Variants in TP73 observed in about 807,000 individuals in gnomAD.
TP73 encodes the protein p53-like transcription factor.
TP73 carries 25 observed loss-of-function variants against 62.5 expected under a neutral mutation model. That is an observed-to-expected ratio of 0.40 (90% confidence interval 0.29 to 0.56). The LOEUF (loss-of-function observed/expected upper bound fraction) is 0.56. Among genes scored for constraint, TP73 ranks in the 20% least tolerant of loss-of-function variants. The pLI, the probability that TP73 is intolerant of heterozygous loss-of-function variation, is 0.46. For missense variants in TP73, 754 were observed against 913.3 expected, an observed-to-expected ratio of 0.83 and a Z score of 2.25; for synonymous variants, 423 against 377.5, an observed-to-expected ratio of 1.12 and a Z score of -1.40.
intron 4 of TP73, among the ~76,000 whole-genome samples, chr1:3,720,630 G>T (rs1172072822): frequency 6.6e-6 from 1 of 152,228 alleles, no homozygotes; most frequent in Non-Finnish European, 1.5e-5. Context: ...ACCCACCATG[G>T]CTCGCAGCCT....
chr1:3,703,399 A>G (rs1232674985), intron 3 of TP73, among the ~76,000 whole-genome samples: 1 of 152,088 alleles, frequency 6.6e-6, no homozygotes, highest in Non-Finnish European at 1.5e-5. Flanking sequence ...AGGCCCTGCT[A>G]AGGGAGCCTG....
chr1:3,660,682 T>C (rs1158124889), intron 1 of TP73, among the ~76,000 whole-genome samples: 2 of 151,572 alleles, frequency 1.3e-5, no homozygotes, highest in African/African-American at 4.8e-5. Flanking sequence ...TCCAGTGGTG[T>C]GATCTTAATG....
At position 3,709,289 on chromosome 1, in the gene TP73, G is replaced by A. The variant is rs78282063; in HGVS notation, c.429+1498G>A. Among the ~76,000 whole-genome samples, 1,349 of 152,352 alleles carry A rather than the reference G, an allele frequency of 8.9e-3. 17 individuals are homozygous for A. The highest frequency in any genetic ancestry group is 0.031 in the African/African-American group (1,275 of 41,582). Reference sequence around the variant, plus strand: ...GCTCTGTGGGCTGTTGGGCTGAGGGGCAGAGGACCTGGCACCTCCTCCGGG... The same window carrying A: ...GCTCTGTGGGCTGTTGGGCTGAGGGACAGAGGACCTGGCACCTCCTCCGGG... On this transcript the variant is annotated intron_variant, in intron 4 of 13. Transcript: ENST00000378295.
Position 3,729,550 on chromosome 1 carries a change from C to T in TP73, c.1196+102C>T, listed in dbSNP as rs969794632. The T allele has an allele frequency of 1.3e-5, 21 of 1,583,732 alleles. No individual in the cohort carries two copies. In the African/African-American group the frequency reaches 2.8e-4, roughly 21 times the overall value. On this transcript the variant is annotated intron_variant, in intron 10 of 13. Coordinates refer to ENST00000378295, the MANE Select transcript of TP73 (RefSeq NM_005427.4). ...CAGAAACCCCTCCAGAAGGCATCAT[C>T]TGCCAGGGACAGGCAGCAGGGTCCA...
chr1:3,684,477 ACTGT>A (rs1259825626), intron 3 of TP73, among the ~76,000 whole-genome samples: 1 of 152,066 alleles, frequency 6.6e-6, no homozygotes. Context: ...CGCACGACTG[ACTGT>A]CTGAGGCATG....
At chr1:3,686,917 G>A (rs1645672228) in intron 3 of TP73, among the ~76,000 whole-genome samples, 1 of 152,176 alleles carries the variant, frequency 6.6e-6, no homozygotes, top group South Asian at 2.1e-4. Context: ...AGGATGTCCA[G>A]TGGTGCCGGG....
chr1:3,672,197 C>G lies in TP73; in HGVS notation c.-33-10136C>G, dbSNP rs1163634838. 6.6e-6 allele frequency among the ~76,000 whole-genome samples: 1 copy of G among 152,052 alleles called. No individual in the cohort carries two copies. Among genetic ancestry groups the G allele is most frequent in the African/African-American group, 2.4e-5 (1 of 41,378 alleles). On this transcript the variant is annotated intron_variant, in intron 1 of 13. Coordinates refer to ENST00000378295, the MANE Select transcript of TP73 (RefSeq NM_005427.4). This position sits in a 1 kb window ranked among gnomAD's most constrained non-coding sequence, Gnocchi z 5.3. ...ACATCTCAGAGTGGAGCATCCCCAC[C>G]AAGGGTGTCCAGAGGAGGGTGGCCA...
At chr1:3,727,269 G>A (rs1335210876) in intron 7 of TP73, 45 bp downstream of exon 7, 1 of 1,559,496 alleles carries the variant, frequency 6.4e-7, no homozygotes. Context: ...GGGCTGGGCA[G>A]GCACGGCCGG....
At chr1:3,653,193 C>T (rs1441042355) in intron 1 of TP73, among the ~76,000 whole-genome samples, 4 of 152,244 alleles carry the variant, frequency 2.6e-5, no homozygotes, top group Non-Finnish European at 2.9e-5. Context: ...GGTTACTAAG[C>T]GGTTTCGATG....
chr1:3,705,569 C>T (rs1288885497), intron 3 of TP73, among the ~76,000 whole-genome samples: 1 of 152,258 alleles, frequency 6.6e-6, no homozygotes, highest in Non-Finnish European at 1.5e-5. Context: ...CACGGGTCGC[C>T]CCTGACGGCT....
chr1:3,698,952 C>T (rs560428654), intron 3 of TP73, among the ~76,000 whole-genome samples: 2 of 152,130 alleles, frequency 1.3e-5, no homozygotes, highest in Non-Finnish European at 1.5e-5. Flanking sequence ...CCTGGGGGCG[C>T]GTTTCTCCGG....
intron 4 of TP73, among the ~76,000 whole-genome samples, chr1:3,717,122 TGACA>T (rs1382198477): frequency 6.6e-6 from 1 of 152,182 alleles, no homozygotes. Flanking sequence ...CCCAGGAAAA[TGACA>T]GACAAGTTAT....
intron 4 of TP73, among the ~76,000 whole-genome samples, chr1:3,710,197 G>A (rs1427075927): frequency 6.8e-6 from 1 of 148,068 alleles, no homozygotes; most frequent in African/African-American, 2.5e-5. Flanking sequence ...TGGATGCTGG[G>A]GCGGGGGGAG....
intron 1 of TP73, among the ~76,000 whole-genome samples, chr1:3,680,831 G>C (rs1477261158): frequency 6.6e-6 from 1 of 152,238 alleles, no homozygotes; most frequent in Non-Finnish European, 1.5e-5. Context: ...CAGGATCGGA[G>C]GCCTGCAAGG....
At chr1:3,679,825 GTCTCTCTTTGTCCTTGTATCTCTCTGTC>G (rs767485884) in intron 1 of TP73, among the ~76,000 whole-genome samples, 20 of 73,888 alleles carry the variant, frequency 2.7e-4, no homozygotes, top group Non-Finnish European at 5.0e-4. Flanking sequence ...CTCTGTCTCT[GTCTCTCTTTGTCCTTGTATCTCTCTGTC>G]TCTCTTTGTC....
chr1:3,681,041 G>A (rs1268823499), intron 1 of TP73, among the ~76,000 whole-genome samples: 1 of 152,222 alleles, frequency 6.6e-6, no homozygotes, highest in Admixed American at 6.5e-5. Context: ...AGGTGGCTTG[G>A]GCCAGCACCC....
intron 3 of TP73, among the ~76,000 whole-genome samples, chr1:3,692,602 T>G (rs1570466210): frequency 6.6e-6 from 1 of 151,638 alleles, no homozygotes; most frequent in South Asian, 2.1e-4. Context: ...TCCCAGGAGG[T>G]GTGTGAGCTG....
chr1:3,703,257 G>A (rs1024193454), intron 3 of TP73, among the ~76,000 whole-genome samples: 3 of 152,214 alleles, frequency 2.0e-5, no homozygotes, highest in Admixed American at 1.3e-4. Flanking sequence ...AGAGGACAGC[G>A]TCCCCTGGGC....
intron 3 of TP73, among the ~76,000 whole-genome samples, chr1:3,702,876 C>T (rs559596460): frequency 3.9e-5 from 6 of 152,336 alleles, no homozygotes; most frequent in Non-Finnish European, 5.9e-5. Context: ...CCGTGGCTTC[C>T]GGGGGCCCTC....
Sources: gnomAD v4.1 joint callset for allele counts (sites outside exome capture counted in the v4.1 genomes callset) on GRCh38, gnomAD v4.1.1 for gene constraint, Gnocchi (gnomAD v3.1) non-coding constraint, MANE v1.5 for transcripts, NCBI Gene and HGNC (gene_info 2026-07-23, HGNC 2026-07-21) for gene names.